The following DCLK1 variants were observed in gnomAD, a reference collection of about 807,000 sequenced individuals.
DCLK1 encodes the protein serine/threonine-protein kinase DCLK1.
DCLK1 carries 16 observed loss-of-function variants against 86.2 expected under a neutral mutation model. The observed-to-expected ratio is 0.19, with a 90% CI of 0.13 to 0.28. The LOEUF is 0.28. DCLK1 is among the 10% of genes least tolerant of loss of function. The pLI is 1.00. For synonymous variants in DCLK1, 369 were observed against 370.5 expected, an observed-to-expected ratio of 1.00 and a Z score of 0.05; for missense variants, 590 against 940.2, an observed-to-expected ratio of 0.63 and a Z score of 4.87.
In DCLK1 at chr13:35,920,556, G is replaced by A. The variant is rs1003515101; in HGVS notation, c.823+26802C>T. On this transcript the variant is annotated intron_variant, in intron 4 of 16. Transcript: ENST00000360631. Reference sequence around the variant, plus strand: ...ATGAGCCAAGTGAAGGAAAATGCACGGGGGTTGTGGAGGAAACCAATGAGT... The same window carrying A: ...ATGAGCCAAGTGAAGGAAAATGCACAGGGGTTGTGGAGGAAACCAATGAGT... Among the ~76,000 whole-genome samples the A allele has an allele frequency of 2.6e-5, 4 of 152,296 alleles. No homozygotes were observed. In the East Asian group the frequency reaches 7.7e-4, roughly 29 times the overall value.
intron 15 of DCLK1, chr13:35,805,481 T>A: frequency 2.2e-6 from 1 of 453,288 alleles, no homozygotes; most frequent in East Asian, 3.5e-5. Context: ...TATTTTTTGG[T>A]AGAGATGGGG....
At position 35,774,565 on chromosome 13, in the gene DCLK1, C is replaced by T; in HGVS notation, c.2193G>A (p.Glu731=). The part of the protein sequence containing the change: ...ESEDYSPSSS[E]TVRSPNSPF ...AGGGCGAGTTAGGGGAGCGAACAGT[C>T]TCGGAGGAGCTTGGGGAGTAGTCTT... The change falls in exon 17 of 17, where the codon GAG becomes GAA. Residue 731 remains glutamate, a synonymous_variant. Transcript: ENST00000360631. 6.4e-7 allele frequency: 1 copy of T among 1,560,118 alleles called. No individual in the cohort carries two copies. The highest frequency in any genetic ancestry group is 1.7e-4 in the Middle Eastern group (1 of 6,004).
chr13:35,795,785 T>C (rs1365808875), intron 15 of DCLK1, among the ~76,000 whole-genome samples: 3 of 151,962 alleles, frequency 2.0e-5, no homozygotes, highest in Non-Finnish European at 2.9e-5. Context: ...CTGGGCATGG[T>C]GGCGCATGCC....
chr13:35,916,575 C>T (rs184892545), intron 4 of DCLK1, among the ~76,000 whole-genome samples: 3 of 152,274 alleles, frequency 2.0e-5, no homozygotes, highest in Non-Finnish European at 4.4e-5. Flanking sequence ...TTCTTTTTAT[C>T]TCTTTCTTTT....
intron 3 of DCLK1, among the ~76,000 whole-genome samples, chr13:36,105,264 T>C (rs893710681): frequency 5.6e-5 from 8 of 143,096 alleles, no homozygotes; most frequent in African/African-American, 2.0e-4. Flanking sequence ...TTAGTCATTA[T>C]AAAAGGATAA....
chr13:36,015,043 C>G (rs945376793), intron 3 of DCLK1, among the ~76,000 whole-genome samples: 14 of 151,934 alleles, frequency 9.2e-5, no homozygotes, highest in African/African-American at 3.4e-4. Flanking sequence ...TATCCGCCCC[C>G]CCACACAATT....
intron 3 of DCLK1, among the ~76,000 whole-genome samples, chr13:36,004,841 G>T (rs968515197): frequency 6.6e-6 from 1 of 152,172 alleles, no homozygotes; most frequent in African/African-American, 2.4e-5. Flanking sequence ...GCCTCCCAAA[G>T]TGCTGGGATT....
intron 3 of DCLK1, among the ~76,000 whole-genome samples, chr13:36,090,948 T>C (rs1884802733): frequency 6.6e-6 from 1 of 152,190 alleles, no homozygotes; most frequent in Admixed American, 6.5e-5. Context: ...CCCATGGCAT[T>C]ATAAACCACT....
intron 8 of DCLK1, 27 bp downstream of exon 8, chr13:35,836,006 G>T (rs1202355143): frequency 1.3e-6 from 2 of 1,500,770 alleles, no homozygotes; most frequent in Non-Finnish European, 1.8e-6. Context: ...AACCTTTAAG[G>T]TTTGATGCAA....
At chr13:36,035,726 A>G (rs1882464905) in intron 3 of DCLK1, among the ~76,000 whole-genome samples, 2 of 152,092 alleles carry the variant, frequency 1.3e-5, no homozygotes, top group East Asian at 1.9e-4. Flanking sequence ...TTTTGTTGCA[A>G]AAGGAATTCA....
At chr13:36,001,237 C>A (rs1017240757) in intron 3 of DCLK1, among the ~76,000 whole-genome samples, 3 of 152,104 alleles carry the variant, frequency 2.0e-5, no homozygotes, top group African/African-American at 7.2e-5. Flanking sequence ...CGTGAGCCAC[C>A]GCGCCTGGCC....
At chr13:35,783,875 C>T (rs987876293) in intron 16 of DCLK1, among the ~76,000 whole-genome samples, 12 of 152,106 alleles carry the variant, frequency 7.9e-5, no homozygotes, top group Admixed American at 6.6e-5. Flanking sequence ...TGTGAGCCAC[C>T]GCGCCCAGCC....
At chr13:35,842,367 G>A (rs971191519) in intron 6 of DCLK1, among the ~76,000 whole-genome samples, 1 of 150,330 alleles carries the variant, frequency 6.7e-6, no homozygotes. Context: ...CTTTTCACAT[G>A]ACAGTGCTTT....
At chr13:36,098,733 A>G (rs1470960317) in intron 3 of DCLK1, among the ~76,000 whole-genome samples, 1 of 152,132 alleles carries the variant, frequency 6.6e-6, no homozygotes, top group African/African-American at 2.4e-5. Flanking sequence ...AAAGTTTTGA[A>G]AGTAACTTCC....
chr13:36,080,227 T>C (rs2138109867), intron 3 of DCLK1, among the ~76,000 whole-genome samples: 1 of 152,232 alleles, frequency 6.6e-6, no homozygotes, highest in East Asian at 1.9e-4. Context: ...AGGCCTAGCT[T>C]GTGCGGATAA....
intron 3 of DCLK1, among the ~76,000 whole-genome samples, chr13:35,981,263 A>T (rs1278553912): frequency 6.6e-6 from 1 of 152,100 alleles, no homozygotes; most frequent in Non-Finnish European, 1.5e-5. Context: ...CGCTTAGCAT[A>T]ATGGCCTCAA....
intron 4 of DCLK1, among the ~76,000 whole-genome samples, chr13:35,912,664 C>T (rs1014438805): frequency 6.6e-6 from 1 of 152,158 alleles, no homozygotes; most frequent in African/African-American, 2.4e-5. Context: ...CCTCCACCAT[C>T]CTTCAAGTAT....
intron 3 of DCLK1, among the ~76,000 whole-genome samples, chr13:35,950,190 C>T (rs1263805520): frequency 6.6e-6 from 1 of 152,168 alleles, no homozygotes; most frequent in African/African-American, 2.4e-5. Flanking sequence ...TAGAAGTCTT[C>T]TTAAAGAGTT....
chr13:36,038,827 G>A (rs560819852), intron 3 of DCLK1, among the ~76,000 whole-genome samples: 3 of 152,300 alleles, frequency 2.0e-5, no homozygotes, highest in African/African-American at 7.2e-5. Context: ...AAACTGAGGT[G>A]TAAAGTTAAG....
Sources: allele counts gnomAD v4.1 joint callset (sites outside exome capture counted in the v4.1 genomes callset), GRCh38; gene constraint gnomAD v4.1.1; transcripts MANE v1.5; gene names NCBI Gene and HGNC (gene_info 2026-07-23, HGNC 2026-07-21).